Variants in SELENOV observed in about 807,000 individuals in gnomAD.
SELENOV encodes selenoprotein V.
Under a neutral mutation model 21.6 loss-of-function variants are expected in SELENOV, and 25 were observed. That is an observed-to-expected ratio of 1.16 (90% CI 0.84 to 1.62). SELENOV has a LOEUF of 1.62. SELENOV is among the 40% of genes most tolerant of loss of function. The probability of loss-of-function intolerance (pLI) is 0.00; values close to 1 mark genes in which losing one functional copy is unlikely to be tolerated. For synonymous variants in SELENOV, 227 were observed against 216.9 expected (o/e 1.05, Z -0.41); for missense variants, 472 against 459.0 (o/e 1.03, Z -0.26).
intron 1 of SELENOV, 61 bp downstream of exon 1, chr19:39,516,082 G>A: frequency 6.9e-7 from 1 of 1,441,166 alleles, no homozygotes; most frequent in Non-Finnish European, 9.5e-7. Flanking sequence ...TGGGGGCTGG[G>A]TCTCCGGGGA....
In SELENOV at chr19:39,515,620, C is replaced by G. The variant is rs1333920631; in HGVS notation, c.408C>G (p.Ala136=). 1 of 1,548,352 alleles carries G rather than the reference C, an allele frequency of 6.5e-7. No individual in the cohort carries two copies. Among genetic ancestry groups the G allele is most frequent in the Non-Finnish European group, 8.7e-7 (1 of 1,146,864 alleles). ...CCCAGCTCCTGGCAGGGATTCGGGC[C>G]GCGCTCCCCGTCTTGGACTCCTACC... Residue 136 remains alanine, a synonymous_variant, in exon 1 of 6, where the codon GCC becomes GCG. Coordinates refer to ENST00000335426, the Ensembl canonical transcript of SELENOV. The surrounding 1 kb of genome is among the most constrained non-coding windows in gnomAD (Gnocchi z 5.1).
chr19:39,518,400 G>C (rs1258347633), intron 1 of SELENOV: 19 of 617,042 alleles, frequency 3.1e-5, no homozygotes, highest in Non-Finnish European at 5.0e-5. Flanking sequence ...AGACAGAGGG[G>C]TGAGAAGGCA....
At chr19:39,518,556 G>T in intron 1 of SELENOV, 52 bp from the exon 2 acceptor site, 1 of 1,554,600 alleles carries the variant, frequency 6.4e-7, no homozygotes, top group Non-Finnish European at 8.8e-7. Context: ...TACTGATGCG[G>T]TGTCTTCCCT....
At chr19:39,516,095 T>C (rs1006081880) in intron 1 of SELENOV, 74 bp downstream of exon 1, 8 of 1,348,120 alleles carry the variant, frequency 5.9e-6, no homozygotes, top group Non-Finnish European at 7.2e-6. Flanking sequence ...TCCGGGGACG[T>C]GGAGGTCAGG....
rs371056114 is a variant in SELENOV, at chr19:39,518,555, G to A, written c.810-53G>A. The A allele has an allele frequency of 2.1e-5, 32 of 1,538,110 alleles. 1 individual carries two copies. In the African/African-American group the frequency reaches 2.5e-4, roughly 12 times the overall value. On this transcript the variant is annotated intron_variant, in intron 1 of 5. Transcript: ENST00000335426. ...CCTGAGCTGGGGAAGATACTGATGC[G>A]GTGTCTTCCCTGGTCTCTCTCTTAA...
At chr19:39,519,534 C>T (rs965362771) in intron 5 of SELENOV, among the ~76,000 whole-genome samples, 5 of 152,044 alleles carry the variant, frequency 3.3e-5, no homozygotes, top group Non-Finnish European at 7.4e-5. Flanking sequence ...GGCACAGTGG[C>T]TCACGCCTGT....
At position 39,515,918 on chromosome 19, in the gene SELENOV, A is replaced by T; in HGVS notation, c.706A>T (p.Thr236Ser). ...TCCTGTCCCCTCGCCCATCCTGGGG[A>T]CCATCCCGTCGGCCATCTCCTTACA... The change falls in exon 1 of 6, where the codon ACC (threonine) becomes TCC (serine). Residue 236 changes from threonine (T) to serine (S), a missense_variant. Coordinates refer to ENST00000335426, the Ensembl canonical transcript of SELENOV. The surrounding 1 kb of genome is among the most constrained non-coding windows in gnomAD (Gnocchi z 5.1). The T allele has an allele frequency of 6.2e-7, 1 of 1,601,410 alleles. No homozygotes were observed. Among genetic ancestry groups the T allele is most frequent in the Non-Finnish European group, 8.5e-7 (1 of 1,174,658 alleles).
At position 39,515,986 on chromosome 19, in the gene SELENOV, G is replaced by C; in HGVS notation, c.774G>C (p.Ala258=). The change falls in exon 1 of 6, where the codon GCG becomes GCC. Residue 258 remains alanine, a synonymous_variant. Transcript: ENST00000335426. The surrounding 1 kb of genome is among the most constrained non-coding windows in gnomAD (Gnocchi z 5.1). Reference sequence around the variant, plus strand: ...TCCCCTCCTCCAGCGAGAACTTCGCGCTGGACAAGAGGGTCCTGATTCGAG... The same window carrying C: ...TCCCCTCCTCCAGCGAGAACTTCGCCCTGGACAAGAGGGTCCTGATTCGAG... 6.2e-7 allele frequency: 1 copy of C among 1,603,106 alleles called. No individual in the cohort carries two copies. Among genetic ancestry groups the C allele is most frequent in the Non-Finnish European group, 8.5e-7 (1 of 1,175,334 alleles).
intron 1 of SELENOV, among the ~76,000 whole-genome samples, chr19:39,517,158 C>A (rs982030472): frequency 3.3e-5 from 5 of 152,130 alleles, no homozygotes; most frequent in Non-Finnish European, 7.3e-5. Flanking sequence ...CGTGCCCAGC[C>A]TGTGTCTTTC....
Position 39,515,148 on chromosome 19 carries a change from C to T in SELENOV, c.-65C>T. ...CAGAACCCGGTGCGGGAGACGCTCT[C>T]CCCGCCCAAAGAGGGAAGGCGGGCG... On this transcript the variant is annotated 5_prime_UTR_variant, in exon 1 of 6. Coordinates refer to ENST00000335426, the Ensembl canonical transcript of SELENOV. This position sits in a 1 kb window ranked among gnomAD's most constrained non-coding sequence, Gnocchi z 5.1. The T allele has an allele frequency of 9.8e-7, 1 of 1,015,230 alleles. No individual in the cohort carries two copies. The highest frequency in any genetic ancestry group is 1.5e-6 in the Non-Finnish European group (1 of 684,854). The allele number at this position is 1,015,230 out of a possible 1,614,324, so 62.9% of individuals were successfully genotyped here.
rs149727973 is a variant in SELENOV at position 39,517,793 on chromosome 19, T to C, written c.810-815T>C. ...AACACGGCAACATGGTGAAACCCTG[T>C]CTCTATAAAAAATTTCAAAAATTAG... On this transcript the variant is annotated intron_variant, in intron 1 of 5. Transcript: ENST00000335426. Among the ~76,000 whole-genome samples, 5 of 149,106 alleles carry C rather than the reference T, an allele frequency of 3.4e-5. No individual in the cohort carries two copies. The East Asian group carries it at 1.0e-3, about 30-fold the overall frequency.
Position 39,519,164 on chromosome 19 carries a change from G to A in SELENOV, c.*16G>A, listed in dbSNP as rs373937887. On this transcript the variant is annotated 3_prime_UTR_variant, in exon 5 of 6. Transcript: ENST00000335426. ...GAAAAGGTAGCCGGCAAGGGGTGGAGCTGGAGGTGAGCGTGGAGCTCCCAA... is the reference window on the plus strand; with the variant it reads ...GAAAAGGTAGCCGGCAAGGGGTGGAACTGGAGGTGAGCGTGGAGCTCCCAA... 8 of 1,612,250 alleles carry A rather than the reference G, an allele frequency of 5.0e-6. No individual in the cohort carries two copies. The African/African-American group carries it at 8.0e-5, about 16-fold the overall frequency.
At position 39,515,639 on chromosome 19, in the gene SELENOV, T is replaced by C; in HGVS notation, c.427T>C (p.Ser143Pro). The change falls in exon 1 of 6, where the codon TCC becomes CCC. Residue 143 changes from serine (S) to proline (P), a missense_variant. Physicochemically the swap from Ser to Pro is moderately conservative, Grantham distance 74. Transcript: ENST00000335426. This position sits in a 1 kb window ranked among gnomAD's most constrained non-coding sequence, Gnocchi z 5.1. Reference sequence around the variant, plus strand: ...TCGGGCCGCGCTCCCCGTCTTGGACTCCTACCTGGCCCCGGCCCTACCTTT... The same window carrying C: ...TCGGGCCGCGCTCCCCGTCTTGGACCCCTACCTGGCCCCGGCCCTACCTTT... 6.5e-7 allele frequency: 1 copy of C among 1,548,306 alleles called. No individual in the cohort carries two copies. Among genetic ancestry groups the C allele is most frequent in the Non-Finnish European group, 8.7e-7 (1 of 1,146,832 alleles).
At chr19:39,519,964 C>CAAAA (rs5828040) in intron 5 of SELENOV, among the ~76,000 whole-genome samples, 182 bp from the exon 6 acceptor site, 7 of 76,926 alleles carry the variant, frequency 9.1e-5, no homozygotes, top group Admixed American at 1.7e-4. Flanking sequence ...GACTCTGTCT[C>CAAAA]AAAAAAAAAA....
At chr19:39,518,286 CAAAAAAACAAA>C (rs947675228) in intron 1 of SELENOV, among the ~76,000 whole-genome samples, 1 of 112,148 alleles carries the variant, frequency 8.9e-6, no homozygotes, top group African/African-American at 3.9e-5. Flanking sequence ...AACAAAAAAA[CAAAAAAACAAA>C]AAAAAAAGAG....
Position 39,515,295 on chromosome 19 carries a change from CG to C in SELENOV, c.84del (p.Thr29LeufsTer18). The C allele has an allele frequency of 6.4e-7, 1 of 1,551,124 alleles. No individual in the cohort carries two copies. Among genetic ancestry groups the C allele is most frequent in the Non-Finnish European group, 8.7e-7 (1 of 1,146,890 alleles). On this transcript the variant is annotated frameshift_variant, in exon 1 of 6. Transcript: ENST00000335426. LOFTEE classifies it high-confidence loss of function. This position sits in a 1 kb window ranked among gnomAD's most constrained non-coding sequence, Gnocchi z 5.1. ...CGGGCTTCTACCCCGACCCGGACAC[CG>C]ACTCCACTCCGGACCCCGACTCCGG...
chr19:39,518,816 GGA>G, intron 3 of SELENOV, 23 bp downstream of exon 3: 1 of 1,613,688 alleles, frequency 6.2e-7, no homozygotes, highest in Non-Finnish European at 8.5e-7. Context: ...GGGTCCTGGG[GGA>G]GAGGGGGGTG....
intron 1 of SELENOV, 187 bp from the exon 2 acceptor site, chr19:39,518,421 T>C (rs1600764861): frequency 1.6e-6 from 1 of 634,632 alleles, no homozygotes; most frequent in Non-Finnish European, 2.9e-6. Flanking sequence ...GATCCTGTGG[T>C]GGCTTGCAGG....
exon 6 of SELENOV, chr19:39,520,452 C>A (rs866087273): frequency 6.6e-6 from 1 of 152,192 alleles, no homozygotes; most frequent in African/African-American, 2.4e-5. Context: ...TTTGTGGATT[C>A]GTCATTTCCC....
Sources: gnomAD v4.1 joint callset for allele counts (sites outside exome capture counted in the v4.1 genomes callset) on GRCh38, gnomAD v4.1.1 for gene constraint, Gnocchi (gnomAD v3.1) non-coding constraint, MANE v1.5 for transcripts, NCBI Gene and HGNC (gene_info 2026-07-23, HGNC 2026-07-21) for gene names.